Variants in NFIB observed in about 807,000 individuals in gnomAD.
NFIB encodes nuclear factor 1 B-type.
Under a neutral mutation model 61.5 loss-of-function variants are expected in NFIB, and 11 were observed. That is an observed-to-expected ratio of 0.18 (90% CI 0.11 to 0.30). NFIB has a LOEUF of 0.30. Among genes scored for constraint, NFIB ranks in the 10% least tolerant of loss-of-function variants. The pLI is 1.00. For synonymous variants in NFIB, 260 were observed against 216.5 expected, an observed-to-expected ratio of 1.20 and a Z score of -1.76; for missense variants, 471 against 608.9, an observed-to-expected ratio of 0.77 and a Z score of 2.38.
chr9:14,207,641 A>G (rs1300047624), intron 2 of NFIB, among the ~76,000 whole-genome samples: 3 of 152,092 alleles, frequency 2.0e-5, no homozygotes, highest in Non-Finnish European at 2.9e-5. Context: ...AAACCTCTTC[A>G]TCTCCCACCA....
At chr9:14,405,921 G>A in the NFIB span, among the ~76,000 whole-genome samples, 3 of 152,320 alleles carry the variant, frequency 2.0e-5, no homozygotes, top group East Asian at 5.8e-4. Context: ...TCTAGCACAT[G>A]AAGTTGATTG....
chr9:14,237,885 G>GTT (rs1303808970), intron 2 of NFIB, among the ~76,000 whole-genome samples: 12 of 145,762 alleles, frequency 8.2e-5, no homozygotes, highest in Non-Finnish European at 1.5e-4. Context: ...GTGTGTGTGT[G>GTT]TGTGTATTCT....
chr9:14,337,302 G>T (rs767372908), intron 1 of NFIB, among the ~76,000 whole-genome samples: 1 of 152,104 alleles, frequency 6.6e-6, no homozygotes, highest in African/African-American at 2.4e-5. Flanking sequence ...TACAACACAC[G>T]GTTGAAAGAA....
chr9:14,241,587 A>G (rs866107976), intron 2 of NFIB, among the ~76,000 whole-genome samples: 1 of 152,136 alleles, frequency 6.6e-6, no homozygotes, highest in Non-Finnish European at 1.5e-5. Context: ...AATTAACAAC[A>G]TATCTCATAG....
chr9:14,373,410 C>A (rs902138320), intron 1 of NFIB, among the ~76,000 whole-genome samples: 9 of 152,160 alleles, frequency 5.9e-5, no homozygotes, highest in African/African-American at 2.2e-4. Context: ...TAATCACTTC[C>A]AGACCAGTGG....
chr9:14,359,690 G>T (rs2061216353), intron 1 of NFIB, among the ~76,000 whole-genome samples: 1 of 152,090 alleles, frequency 6.6e-6, no homozygotes, highest in Non-Finnish European at 1.5e-5. Flanking sequence ...TATGGTTGAG[G>T]GATGGGCATG....
At chr9:14,315,244 G>C (rs2132778497), upstream of NFIB, among the ~76,000 whole-genome samples, 1 of 151,618 alleles carries the variant, frequency 6.6e-6, no homozygotes, top group Non-Finnish European at 1.5e-5. Context: ...TGCCCACCAG[G>C]GGCCCGCACC....
chr9:14,176,728 A>T (rs898613400), intron 3 of NFIB, among the ~76,000 whole-genome samples: 6 of 152,164 alleles, frequency 3.9e-5, no homozygotes, highest in Non-Finnish European at 7.4e-5. Flanking sequence ...GTCACCCTTC[A>T]GAAGTTCTAA....
chr9:14,433,681 A>ATAAT, the NFIB span, among the ~76,000 whole-genome samples: 1 of 152,300 alleles, frequency 6.6e-6, no homozygotes, highest in Non-Finnish European at 1.5e-5. Flanking sequence ...GTAATTAATA[A>ATAAT]TAATTACATG....
chr9:14,289,984 G>C (rs2058983031), intron 2 of NFIB, among the ~76,000 whole-genome samples: 2 of 152,014 alleles, frequency 1.3e-5, no homozygotes, highest in Non-Finnish European at 2.9e-5. Context: ...CTAGGCAACA[G>C]TTACGAGTAT....
At chr9:14,459,613 A>T in the NFIB span, among the ~76,000 whole-genome samples, 1 of 152,072 alleles carries the variant, frequency 6.6e-6, no homozygotes, top group Non-Finnish European at 1.5e-5. Context: ...TTTGCAATCT[A>T]CTCATCTGAC....
At chr9:14,205,219 G>GGGA (rs2049514174) in intron 2 of NFIB, among the ~76,000 whole-genome samples, 1 of 1,276 alleles carries the variant, frequency 7.8e-4, no homozygotes, top group African/African-American at 3.5e-3. Flanking sequence ...AAGGAAGGGA[G>GGGA]GGGAGGGGAG....
intron 1 of NFIB, among the ~76,000 whole-genome samples, chr9:14,320,498 G>A (rs1215473616): frequency 1.3e-5 from 2 of 152,160 alleles, no homozygotes; most frequent in Non-Finnish European, 2.9e-5. Flanking sequence ...ACCATTAAAT[G>A]AAAACATCAA....
chr9:14,408,939 C>G, the NFIB span, among the ~76,000 whole-genome samples: 4 of 151,994 alleles, frequency 2.6e-5, no homozygotes, highest in African/African-American at 9.7e-5. Context: ...ATGATGTGCC[C>G]AAGTTACATA....
chr9:14,150,704 A>G (rs1437035559), intron 4 of NFIB, among the ~76,000 whole-genome samples: 1 of 151,938 alleles, frequency 6.6e-6, no homozygotes, highest in Non-Finnish European at 1.5e-5. Flanking sequence ...CCGTTTCACA[A>G]AAAAAAGCAA....
At chr9:14,394,334 T>C (rs1316496828) in intron 1 of NFIB, among the ~76,000 whole-genome samples, 2 of 152,222 alleles carry the variant, frequency 1.3e-5, no homozygotes, top group African/African-American at 4.8e-5. Context: ...TATATTAGTC[T>C]GTTCTCACAC....
chr9:14,411,359 T>A, the NFIB span, among the ~76,000 whole-genome samples: 1 of 152,182 alleles, frequency 6.6e-6, no homozygotes, highest in South Asian at 2.1e-4. Context: ...TCGATTGATC[T>A]ATTACAGAGG....
chr9:14,452,672 A>C, the NFIB span, among the ~76,000 whole-genome samples: 5 of 152,288 alleles, frequency 3.3e-5, no homozygotes, highest in East Asian at 7.7e-4. Flanking sequence ...CCTAGTAGAC[A>C]TGTCTGCTCC....
intron 2 of NFIB, among the ~76,000 whole-genome samples, chr9:14,245,346 C>T (rs983404716): frequency 1.4e-4 from 22 of 152,144 alleles, no homozygotes; most frequent in Admixed American, 1.4e-3. Context: ...GTCCTTCTTG[C>T]TGCTCTCCTG....
Sources: gnomAD v4.1 joint callset for allele counts (sites outside exome capture counted in the v4.1 genomes callset) on GRCh38, gnomAD v4.1.1 for gene constraint, MANE v1.5 for transcripts, NCBI Gene and HGNC (gene_info 2026-07-23, HGNC 2026-07-21) for gene names.